The following KHDRBS2 variants were observed in gnomAD, a reference collection of about 807,000 sequenced individuals.
KHDRBS2 encodes KH domain-containing, RNA-binding, signal transduction-associated protein 2.
Under a neutral mutation model 44.3 loss-of-function variants are expected in KHDRBS2, and 26 were observed. That is an observed-to-expected ratio of 0.59 (90% confidence interval 0.43 to 0.81). The LOEUF (loss-of-function observed/expected upper bound fraction) is 0.81, where lower values mean the gene tolerates loss of function less well. KHDRBS2 is among the 40% of genes least tolerant of loss of function. The probability of loss-of-function intolerance (pLI) is 0.00; values close to 1 mark genes in which losing one functional copy is unlikely to be tolerated. For synonymous variants in KHDRBS2, 194 were observed against 151.1 expected (o/e 1.28, Z -2.08); for missense variants, 476 against 433.1 (o/e 1.10, Z -0.88).
intron 1 of KHDRBS2, among the ~76,000 whole-genome samples, chr6:62,199,238 G>A (rs1826370636): frequency 6.6e-6 from 1 of 152,026 alleles, no homozygotes; most frequent in African/African-American, 2.4e-5. Flanking sequence ...TTCTGGCCAG[G>A]GCAATCAGGC....
At chr6:62,072,601 T>C (rs955985248) in intron 2 of KHDRBS2, among the ~76,000 whole-genome samples, 7 of 152,176 alleles carry the variant, frequency 4.6e-5, no homozygotes, top group African/African-American at 1.7e-4. Context: ...GAGATAGTCA[T>C]GTGGTTTTTG....
chr6:62,155,371 A>G (rs570410702), intron 2 of KHDRBS2, among the ~76,000 whole-genome samples: 1 of 152,206 alleles, frequency 6.6e-6, no homozygotes, highest in East Asian at 1.9e-4. Context: ...TCAGGTGGAG[A>G]TATCAACTAA....
At chr6:61,584,409 A>G in the KHDRBS2 span, among the ~76,000 whole-genome samples, 6 of 151,872 alleles carry the variant, frequency 4.0e-5, no homozygotes, top group Admixed American at 3.9e-4. Flanking sequence ...AGTTTTTAAT[A>G]TAAATGGGTA....
At chr6:61,865,153 T>G (rs937469355) in intron 6 of KHDRBS2, among the ~76,000 whole-genome samples, 1 of 152,172 alleles carries the variant, frequency 6.6e-6, no homozygotes, top group Non-Finnish European at 1.5e-5. Flanking sequence ...CTCACTGTTT[T>G]GGCTATCAGT....
At chr6:62,261,070 A>T (rs1410152348) in intron 1 of KHDRBS2, among the ~76,000 whole-genome samples, 1 of 151,844 alleles carries the variant, frequency 6.6e-6, no homozygotes, top group African/African-American at 2.4e-5. Context: ...TGTATTCCAT[A>T]ATGACAGCTT....
At chr6:62,116,369 A>C (rs1806224419) in intron 2 of KHDRBS2, among the ~76,000 whole-genome samples, 1 of 151,388 alleles carries the variant, frequency 6.6e-6, no homozygotes, top group African/African-American at 2.4e-5. Flanking sequence ...CAGCCCTCCT[A>C]CTCTTTGTTT....
At chr6:62,279,554 C>T (rs1841503656) in intron 1 of KHDRBS2, among the ~76,000 whole-genome samples, 1 of 151,842 alleles carries the variant, frequency 6.6e-6, no homozygotes, top group Admixed American at 6.6e-5. Flanking sequence ...GGGAGACAAC[C>T]AAGATCAAAA....
the KHDRBS2 span, among the ~76,000 whole-genome samples, chr6:61,645,534 A>AAAT: frequency 0.023 from 3,552 of 151,932 alleles, 61 homozygotes; most frequent in Middle Eastern, 0.088. Flanking sequence ...TAAAAAAAAA[A>AAAT]AGGTATTTGA....
intron 3 of KHDRBS2, among the ~76,000 whole-genome samples, chr6:62,020,222 C>T (rs1451583307): frequency 4.0e-5 from 6 of 151,670 alleles, no homozygotes; most frequent in African/African-American, 1.5e-4. Context: ...GGAATTTTTC[C>T]AGAGGTATTA....
chr6:62,072,289 A>G (rs950883858), intron 2 of KHDRBS2, among the ~76,000 whole-genome samples: 1 of 152,178 alleles, frequency 6.6e-6, no homozygotes, highest in Non-Finnish European at 1.5e-5. Flanking sequence ...ATCTGCAAAC[A>G]GGGACAATTT....
the KHDRBS2 span, among the ~76,000 whole-genome samples, chr6:61,577,825 T>C: frequency 6.6e-6 from 1 of 152,172 alleles, no homozygotes; most frequent in South Asian, 2.1e-4. Flanking sequence ...GTTTTTATTA[T>C]CCTAACATGT....
chr6:61,913,880 T>C (rs1806493095), intron 4 of KHDRBS2, among the ~76,000 whole-genome samples: 1 of 152,076 alleles, frequency 6.6e-6, no homozygotes, highest in Non-Finnish European at 1.5e-5. Context: ...ACAGGGAGAA[T>C]GCCAGTGCAT....
the KHDRBS2 span, among the ~76,000 whole-genome samples, chr6:61,560,121 T>A: frequency 6.6e-6 from 1 of 152,148 alleles, no homozygotes; most frequent in Non-Finnish European, 1.5e-5. Flanking sequence ...ATTAAATATG[T>A]CATGCCACTC....
chr6:61,951,794 A>G (rs930300133), intron 4 of KHDRBS2, among the ~76,000 whole-genome samples: 1 of 152,084 alleles, frequency 6.6e-6, no homozygotes, highest in African/African-American at 2.4e-5. Flanking sequence ...ACCTCAAGTG[A>G]CATCAGTGTC....
At chr6:62,216,696 C>CTTTTTTTTTTTTTTTTTTTTTT (rs562340356) in intron 1 of KHDRBS2, among the ~76,000 whole-genome samples, 1 of 140,122 alleles carries the variant, frequency 7.1e-6, no homozygotes. Flanking sequence ...TCTTTCTCCT[C>CTTTTTTTTTTTTTTTTTTTTTT]TTTTTTTTTT....
chr6:61,614,188 G>T, the KHDRBS2 span, among the ~76,000 whole-genome samples: 1 of 152,106 alleles, frequency 6.6e-6, no homozygotes, highest in Non-Finnish European at 1.5e-5. Context: ...AAGCTAGTTT[G>T]CTGAGGTTGT....
intron 6 of KHDRBS2, among the ~76,000 whole-genome samples, chr6:61,849,441 C>T (rs370045269): frequency 3.9e-4 from 60 of 152,042 alleles, no homozygotes; most frequent in African/African-American, 1.3e-3. Context: ...AAAAGTCATG[C>T]TATTTTGAAA....
intron 6 of KHDRBS2, among the ~76,000 whole-genome samples, chr6:61,807,496 G>C (rs1309117560): frequency 6.6e-6 from 1 of 152,038 alleles, no homozygotes; most frequent in Non-Finnish European, 1.5e-5. Context: ...TCCATAAAAA[G>C]AATGAGATCA....
chr6:62,136,816 C>G (rs181890124), intron 2 of KHDRBS2, among the ~76,000 whole-genome samples: 23 of 152,104 alleles, frequency 1.5e-4, no homozygotes, highest in Admixed American at 1.2e-3. Flanking sequence ...CATACTTTTC[C>G]CTGAAGCAAA....
Sources: gnomAD v4.1 joint callset for allele counts (sites outside exome capture counted in the v4.1 genomes callset) on GRCh38, gnomAD v4.1.1 for gene constraint, MANE v1.5 for transcripts, NCBI Gene and HGNC (gene_info 2026-07-23, HGNC 2026-07-21) for gene names.